PBX4: variants seen among roughly 807,000 people sequenced by gnomAD.
The protein encoded by PBX4 is PBX homeobox 4, also known as pre-B-cell leukemia transcription factor 4.
A neutral mutation model predicts 35.1 loss-of-function variants in PBX4; 26 were observed. That is an observed-to-expected ratio of 0.74 (90% CI 0.54 to 1.03). The LOEUF (loss-of-function observed/expected upper bound fraction) is 1.03. PBX4 is among the 50% of genes least tolerant of loss of function. The pLI, the probability that PBX4 is intolerant of heterozygous loss-of-function variation, is 0.00. For synonymous variants in PBX4, 199 were observed against 204.2 expected (o/e 0.97, Z 0.22); for missense variants, 448 against 504.3 (o/e 0.89, Z 1.07).
At chr19:19,580,204 C>T (rs2061445598) in intron 2 of PBX4, among the ~76,000 whole-genome samples, 1 of 152,056 alleles carries the variant, frequency 6.6e-6, no homozygotes, top group Non-Finnish European at 1.5e-5. Context: ...CTGACAGTGC[C>T]GGTGACTCTG....
intron 1 of PBX4, among the ~76,000 whole-genome samples, chr19:19,609,525 G>A (rs1303743896): frequency 1.5e-5 from 2 of 136,968 alleles, no homozygotes; most frequent in African/African-American, 5.7e-5. Flanking sequence ...CTCCAGCCTG[G>A]GCAACAAGAG....
chr19:19,616,033 C>T (rs1440515959), intron 1 of PBX4, among the ~76,000 whole-genome samples: 1 of 152,200 alleles, frequency 6.6e-6, no homozygotes, highest in Non-Finnish European at 1.5e-5. Flanking sequence ...GTCCACACCA[C>T]CAGACCCTAG....
chr19:19,614,585 G>A (rs752944344), intron 1 of PBX4, among the ~76,000 whole-genome samples: 3 of 151,992 alleles, frequency 2.0e-5, no homozygotes, highest in Non-Finnish European at 2.9e-5. Flanking sequence ...CTCACTAGCC[G>A]AGATCGCGCC....
At chr19:19,600,440 C>T (rs560831790) in intron 1 of PBX4, among the ~76,000 whole-genome samples, 1 of 151,396 alleles carries the variant, frequency 6.6e-6, no homozygotes, top group South Asian at 2.1e-4. Flanking sequence ...AGGAGGATGG[C>T]TTGAGACCAT....
intron 5 of PBX4, among the ~76,000 whole-genome samples, chr19:19,565,590 A>G (rs2061336795): frequency 6.6e-6 from 1 of 152,150 alleles, no homozygotes; most frequent in African/African-American, 2.4e-5. Flanking sequence ...AGCACTTCTC[A>G]TATATTCATA....
At chr19:19,608,927 T>A (rs1345143509) in intron 1 of PBX4, among the ~76,000 whole-genome samples, 4 of 152,134 alleles carry the variant, frequency 2.6e-5, no homozygotes, top group African/African-American at 7.2e-5. Context: ...ATAATGAATC[T>A]CCTTTCAGAA....
chr19:19,595,384 C>G (rs1462449492), intron 2 of PBX4, among the ~76,000 whole-genome samples: 1 of 152,058 alleles, frequency 6.6e-6, no homozygotes, highest in Non-Finnish European at 1.5e-5. Context: ...GGTACAGGGC[C>G]CCCGCTTGTC....
At chr19:19,601,468 T>A (rs1268732398) in intron 1 of PBX4, among the ~76,000 whole-genome samples, 2 of 152,170 alleles carry the variant, frequency 1.3e-5, no homozygotes, top group African/African-American at 2.4e-5. Flanking sequence ...GTTGGCAGGA[T>A]AATGGCTCCC....
In PBX4 at chr19:19,599,363, T is replaced by G; in HGVS notation, c.122A>C (p.Lys41Thr). 6.2e-7 allele frequency: 1 copy of G among 1,612,806 alleles called. No homozygotes were observed. Among genetic ancestry groups the G allele is most frequent in the Non-Finnish European group, 8.5e-7 (1 of 1,178,980 alleles). The change falls in exon 2 of 8, where the codon AAG becomes ACG. Residue 41 changes from lysine (K) to threonine (T), a missense_variant and splice_region_variant. Coordinates refer to ENST00000251203, the MANE Select transcript of PBX4 (RefSeq NM_025245.3). ...DQSLDEAQAR[K>T]HALNCHRMKP... ...CATCCGATGGCAATTCAGAGCATGC[T>G]TTCTGAAAGGGAGGTGACAGAGGAG... is the stretch of plus-strand genomic sequence containing the variant.
rs1351152983 is a variant in PBX4, at chr19:19,588,277, TCACATATG to T, written c.193+11007_193+11014del. 4 of 1,197,648 alleles carry T rather than the reference TCACATATG, an allele frequency of 3.3e-6. No homozygotes were observed. In the African/African-American group the frequency reaches 6.0e-5, roughly 18 times the overall value. The allele number at this position is 1,197,648 out of a possible 1,614,324, so 74.2% of individuals were successfully genotyped here. ...CCGGTAAGATCCATAGTTACATTCA[TCACATATG>T]CACACCAGAGTGCAGGGACGCACAT... On this transcript the variant is annotated intron_variant, in intron 2 of 7. Transcript: ENST00000251203.
At chr19:19,577,212 A>AC (rs1249050310) in intron 2 of PBX4, among the ~76,000 whole-genome samples, 4 of 148,450 alleles carry the variant, frequency 2.7e-5, no homozygotes, top group Non-Finnish European at 4.5e-5. Flanking sequence ...AAAAAAAAAA[A>AC]CTCTCAAATT....
chr19:19,587,165 C>T (rs541467854), intron 2 of PBX4, among the ~76,000 whole-genome samples: 41 of 151,902 alleles, frequency 2.7e-4, no homozygotes, highest in African/African-American at 7.2e-4. Context: ...CCACCCCACC[C>T]AGCTAATTTT....
At chr19:19,579,922 G>C (rs2061443326) in intron 2 of PBX4, 1 of 152,374 alleles carries the variant, frequency 6.6e-6, no homozygotes, top group Non-Finnish European at 1.5e-5. Context: ...CGATCGTGGA[G>C]GCTGAGCCTC....
chr19:19,561,918 C>T lies in PBX4; in HGVS notation c.*107G>A. ...AGGAGCAGGGGCTCATGGGCACCACCACCCATCTGGGTTTTCTGAGGTCGT... is the reference window on the plus strand; with the variant it reads ...AGGAGCAGGGGCTCATGGGCACCACTACCCATCTGGGTTTTCTGAGGTCGT... On this transcript the variant is annotated 3_prime_UTR_variant, in exon 8 of 8. Coordinates refer to ENST00000251203, the MANE Select transcript of PBX4 (RefSeq NM_025245.3). The T allele has an allele frequency of 2.2e-6, 2 of 917,152 alleles. No homozygotes were observed. Among genetic ancestry groups the T allele is most frequent in the South Asian group, 1.8e-5 (1 of 56,084 alleles). 56.8% of individuals were successfully genotyped at this position (917,152 alleles called of 1,614,324 possible). A position where few individuals can be genotyped will look rare whatever the true frequency, so the allele number is the denominator to read the frequency against.
intron 3 of PBX4, 52 bp from the exon 4 acceptor site, chr19:19,570,351 C>A (rs1600399128): frequency 6.5e-7 from 1 of 1,542,232 alleles, no homozygotes. Context: ...CAGGGTGGCA[C>A]AGGGCAGCAG....
intron 2 of PBX4, among the ~76,000 whole-genome samples, chr19:19,573,328 T>A (rs6511044): frequency 0.041 from 3,811 of 92,046 alleles, 223 homozygotes; most frequent in African/African-American, 0.17. Context: ...AAAAAAAAAA[T>A]ATACACACAC....
intron 1 of PBX4, among the ~76,000 whole-genome samples, chr19:19,607,314 A>G (rs185218879): frequency 3.9e-5 from 6 of 152,278 alleles, no homozygotes; most frequent in Admixed American, 2.6e-4. Context: ...TCGGCCTCCC[A>G]AAGTGCTGGG....
At chr19:19,604,644 A>G (rs564808246) in intron 1 of PBX4, among the ~76,000 whole-genome samples, 2 of 151,808 alleles carry the variant, frequency 1.3e-5, no homozygotes, top group Admixed American at 1.3e-4. Flanking sequence ...TCTGTCACCC[A>G]GGCTGGAGTG....
At chr19:19,581,409 C>T (rs1056992410) in intron 2 of PBX4, among the ~76,000 whole-genome samples, 2 of 152,168 alleles carry the variant, frequency 1.3e-5, no homozygotes, top group African/African-American at 2.4e-5. Flanking sequence ...TCTCAGGGCC[C>T]GTAAGAGCTG....
Sources: allele counts gnomAD v4.1 joint callset (sites outside exome capture counted in the v4.1 genomes callset), GRCh38; gene constraint gnomAD v4.1.1; transcripts MANE v1.5; gene names NCBI Gene and HGNC (gene_info 2026-07-23, HGNC 2026-07-21).